The following IMMP2L variants were observed in gnomAD, a reference collection of about 807,000 sequenced individuals.
IMMP2L encodes mitochondrial inner membrane protease subunit 2.
In IMMP2L, 18 loss-of-function variants were observed where a neutral mutation model predicts 19.3. That is an observed-to-expected ratio of 0.93 (90% confidence interval 0.64 to 1.38). The LOEUF (loss-of-function observed/expected upper bound fraction) is 1.38. Among genes scored for constraint, IMMP2L ranks in the 40% most tolerant of loss-of-function variants. The probability of loss-of-function intolerance (pLI) is 0.00; values close to 1 mark genes in which losing one functional copy is unlikely to be tolerated. For missense variants in IMMP2L, 233 were observed against 218.2 expected (o/e 1.07, Z -0.43); for synonymous variants, 76 against 73.0 (o/e 1.04, Z -0.21).
At chr7:111,474,911 C>G (rs1841589690) in intron 3 of IMMP2L, among the ~76,000 whole-genome samples, 1 of 152,060 alleles carries the variant, frequency 6.6e-6, no homozygotes, top group South Asian at 2.1e-4. Context: ...GTGAGACATA[C>G]TATTCTTCAC....
intron 1 of IMMP2L, among the ~76,000 whole-genome samples, 162 bp downstream of exon 1, chr7:111,561,689 G>A (rs907043611): frequency 6.6e-6 from 1 of 152,092 alleles, no homozygotes; most frequent in African/African-American, 2.4e-5. Context: ...TCCGGGGCCT[G>A]GAGCCTGTGA....
At chr7:110,741,590 C>T (rs868021950) in intron 5 of IMMP2L, among the ~76,000 whole-genome samples, 2 of 152,214 alleles carry the variant, frequency 1.3e-5, no homozygotes, top group South Asian at 4.1e-4. Context: ...GTGCCATGAT[C>T]TTGGACTTGC....
chr7:111,086,500 T>C (rs1208165605), intron 3 of IMMP2L, among the ~76,000 whole-genome samples: 1 of 152,084 alleles, frequency 6.6e-6, no homozygotes, highest in Non-Finnish European at 1.5e-5. Context: ...TAAGAACCTC[T>C]GTTTTTCTCC....
intron 4 of IMMP2L, among the ~76,000 whole-genome samples, chr7:110,920,953 A>C (rs1435190799): frequency 6.6e-6 from 1 of 152,210 alleles, no homozygotes; most frequent in Admixed American, 6.6e-5. Context: ...AGATTTCATC[A>C]GTTTTTCCTG....
intron 4 of IMMP2L, among the ~76,000 whole-genome samples, chr7:110,928,988 G>A (rs1301709368): frequency 6.6e-6 from 1 of 151,974 alleles, no homozygotes; most frequent in Non-Finnish European, 1.5e-5. Context: ...TTTGTATATT[G>A]GACACCCTGT....
chr7:111,189,592 TCTC>T lies in IMMP2L; in HGVS notation c.240-226030_240-226028del, dbSNP rs1299194013. On this transcript the variant is annotated intron_variant, in intron 3 of 5. Coordinates refer to ENST00000405709, the MANE Select transcript of IMMP2L (RefSeq NM_032549.4). ...AAAATAAATAAATATTGGTCCACATTCTCCTAAACTCTACAAATACTGAAGAAA... is the reference window on the plus strand; with the variant it reads ...AAAATAAATAAATATTGGTCCACATTCTAAACTCTACAAATACTGAAGAAA... Among the ~76,000 whole-genome samples the T allele has an allele frequency of 2.0e-5, 3 of 151,992 alleles. No individual in the cohort carries two copies. In the East Asian group the frequency reaches 5.8e-4, roughly 29 times the overall value.
At chr7:110,829,421 A>T (rs1458217914) in intron 5 of IMMP2L, among the ~76,000 whole-genome samples, 1 of 152,120 alleles carries the variant, frequency 6.6e-6, no homozygotes, top group Non-Finnish European at 1.5e-5. Flanking sequence ...AATTTACCTA[A>T]TTTTTCTGTT....
At position 110,713,287 on chromosome 7, in the gene IMMP2L, T is replaced by C. The variant is rs1022735785; in HGVS notation, c.409-49566A>G. Reference sequence around the variant, plus strand: ...GTCTACATGTCTGTTTTTGTACTAGTACCATGCTCTTTTGGTTACTGTGGA... The same window carrying C: ...GTCTACATGTCTGTTTTTGTACTAGCACCATGCTCTTTTGGTTACTGTGGA... On this transcript the variant is annotated intron_variant, in intron 5 of 5. Coordinates refer to ENST00000405709, the MANE Select transcript of IMMP2L (RefSeq NM_032549.4). Among the ~76,000 whole-genome samples the C allele has an allele frequency of 3.9e-5, 6 of 152,204 alleles. 1 individual carries two copies. The South Asian group carries it at 1.2e-3, about 31-fold the overall frequency.
At chr7:111,377,152 T>C (rs527920497) in intron 3 of IMMP2L, among the ~76,000 whole-genome samples, 1 of 152,050 alleles carries the variant, frequency 6.6e-6, no homozygotes, top group South Asian at 2.1e-4. Flanking sequence ...ATATTGGATT[T>C]TCCCCCTAGA....
At chr7:111,416,353 T>A (rs1834954838) in intron 3 of IMMP2L, among the ~76,000 whole-genome samples, 1 of 151,902 alleles carries the variant, frequency 6.6e-6, no homozygotes. Flanking sequence ...ACAATATGCA[T>A]GCTTTCTGTT....
chr7:111,271,311 G>T (rs1323756178), intron 3 of IMMP2L, among the ~76,000 whole-genome samples: 4 of 152,070 alleles, frequency 2.6e-5, no homozygotes, highest in African/African-American at 9.7e-5. Flanking sequence ...CCCAGTCTTG[G>T]GCAGTCCTTT....
chr7:111,410,663 T>G (rs1834326259), intron 3 of IMMP2L, among the ~76,000 whole-genome samples: 1 of 151,478 alleles, frequency 6.6e-6, no homozygotes, highest in Non-Finnish European at 1.5e-5. Flanking sequence ...TTAAAATAAG[T>G]TCAATAAGAT....
chr7:111,211,554 G>A (rs1435579270), intron 3 of IMMP2L, among the ~76,000 whole-genome samples: 2 of 152,142 alleles, frequency 1.3e-5, no homozygotes, highest in Non-Finnish European at 2.9e-5. Context: ...CTGACCAAGG[G>A]TATGTGATCG....
intron 5 of IMMP2L, among the ~76,000 whole-genome samples, chr7:110,778,071 A>G (rs1202961898): frequency 6.6e-6 from 1 of 152,010 alleles, no homozygotes; most frequent in Admixed American, 6.6e-5. Flanking sequence ...TAAGATGAAC[A>G]TCTGGCTTCT....
chr7:111,300,643 G>A (rs1030272728), intron 3 of IMMP2L, among the ~76,000 whole-genome samples: 2 of 152,026 alleles, frequency 1.3e-5, no homozygotes, highest in Non-Finnish European at 2.9e-5. Flanking sequence ...TCCAAGTCCT[G>A]ACTCCGGGCA....
chr7:110,903,199 A>C (rs1812081201), intron 4 of IMMP2L, among the ~76,000 whole-genome samples: 2 of 152,268 alleles, frequency 1.3e-5, no homozygotes, highest in African/African-American at 4.8e-5. Context: ...GCAATATTTG[A>C]GTATACGTGG....
At chr7:111,082,172 T>G (rs1299169278) in intron 3 of IMMP2L, among the ~76,000 whole-genome samples, 1 of 152,214 alleles carries the variant, frequency 6.6e-6, no homozygotes, top group African/African-American at 2.4e-5. Context: ...CTACACCATT[T>G]AGTTATAAAG....
chr7:110,893,946 G>A (rs258984), intron 4 of IMMP2L, among the ~76,000 whole-genome samples: 72,739 of 151,584 alleles, frequency 0.48, 18,279 homozygotes, highest in East Asian at 0.83. Context: ...ACCAGGCATG[G>A]CAAACTTATC....
In IMMP2L at chr7:111,395,573, C is replaced by A. The variant is rs184780059; in HGVS notation, c.239+91665G>T. Among the ~76,000 whole-genome samples the A allele has an allele frequency of 1.6e-4, 24 of 152,262 alleles. 1 individual carries two copies. The East Asian group carries it at 3.5e-3, about 22-fold the overall frequency. ...GTGAGAAAATGAAGCAAACACAATACAGCTTTTTGGTACTTTTACATATGT... is the reference window on the plus strand; with the variant it reads ...GTGAGAAAATGAAGCAAACACAATAAAGCTTTTTGGTACTTTTACATATGT... On this transcript the variant is annotated intron_variant, in intron 3 of 5. Transcript: ENST00000405709.
Sources: allele counts gnomAD v4.1 joint callset (sites outside exome capture counted in the v4.1 genomes callset), GRCh38; gene constraint gnomAD v4.1.1; transcripts MANE v1.5; gene names NCBI Gene and HGNC (gene_info 2026-07-23, HGNC 2026-07-21).